PEBP4: variants seen among roughly 807,000 people sequenced by gnomAD.
PEBP4 encodes the protein phosphatidylethanolamine binding protein 4, also known as phosphatidylethanolamine-binding protein 4.
A neutral mutation model predicts 23.9 loss-of-function variants in PEBP4; 22 were observed. The observed-to-expected ratio is 0.92, with a 90% CI of 0.66 to 1.31. The LOEUF is 1.31. Ranked by LOEUF, PEBP4 falls within the 40% of genes most tolerant of loss-of-function variation. PEBP4 has a pLI of 0.00. For synonymous variants in PEBP4, 112 were observed against 99.3 expected, an observed-to-expected ratio of 1.13 and a Z score of -0.76; for missense variants, 324 against 281.7, an observed-to-expected ratio of 1.15 and a Z score of -1.07.
chr8:22,715,512 G>A (rs758034101), intron 6 of PEBP4, among the ~76,000 whole-genome samples: 9 of 152,228 alleles, frequency 5.9e-5, no homozygotes, highest in African/African-American at 1.9e-4. Flanking sequence ...CTTCCCCACC[G>A]TAGGGCAGGA....
At chr8:22,780,054 TC>T (rs1805885072) in intron 4 of PEBP4, among the ~76,000 whole-genome samples, 1 of 151,878 alleles carries the variant, frequency 6.6e-6, no homozygotes, top group African/African-American at 2.4e-5. Flanking sequence ...GCTCAGGTGA[TC>T]CTCCCACCTC....
chr8:22,795,288 G>C (rs1403008932), intron 4 of PEBP4, among the ~76,000 whole-genome samples: 2 of 146,982 alleles, frequency 1.4e-5, no homozygotes, highest in South Asian at 4.3e-4. Context: ...CAATTCTCCT[G>C]CCTCAGCCTC....
Position 22,797,741 on chromosome 8 carries a change from T to C in PEBP4, c.357+19896A>G, listed in dbSNP as rs540994640. ...TTGCTGCTATCCATCGCAGGGGCAA[T>C]GATGCAGTGTATCACGACTGTTCAC... On this transcript the variant is annotated intron_variant, in intron 4 of 6. Coordinates refer to ENST00000256404, the MANE Select transcript of PEBP4 (RefSeq NM_144962.3). 9.9e-5 allele frequency among the ~76,000 whole-genome samples: 15 copies of C among 152,204 alleles called. No homozygotes were observed. In the South Asian group the frequency reaches 2.9e-3, roughly 29 times the overall value.
At chr8:22,724,725 CCA>C (rs1353308402) in intron 6 of PEBP4, 116 bp downstream of exon 6, 1 of 730,994 alleles carries the variant, frequency 1.4e-6, no homozygotes, top group East Asian at 2.7e-5. Context: ...GCCTTCGACC[CCA>C]GTCTCCAAGG....
chr8:22,847,766 G>C (rs981955028), intron 3 of PEBP4, among the ~76,000 whole-genome samples: 11 of 152,092 alleles, frequency 7.2e-5, no homozygotes, highest in African/African-American at 2.7e-4. Context: ...AGGAAGCTGA[G>C]GATGGTCTGA....
chr8:22,860,194 A>ATATATATACACATATG (rs769837558), intron 3 of PEBP4, among the ~76,000 whole-genome samples: 1 of 97,600 alleles, frequency 1.0e-5, no homozygotes, highest in Non-Finnish European at 1.8e-5. Context: ...ATATATATGT[A>ATATATATACACATATG]TATATATATA....
intron 4 of PEBP4, among the ~76,000 whole-genome samples, chr8:22,748,028 T>C (rs1258929093): frequency 1.3e-5 from 2 of 152,208 alleles, no homozygotes. Context: ...CCCTGGCTTA[T>C]GCAATGCTCA....
At chr8:22,925,093 G>C (rs1028836259) in intron 2 of PEBP4, 1 of 985,302 alleles carries the variant, frequency 1.0e-6, no homozygotes, top group Non-Finnish European at 1.2e-6. Context: ...CTCCTCAGGG[G>C]TCCGATCTGT....
At chr8:22,923,427 G>A (rs146347905) in intron 2 of PEBP4, among the ~76,000 whole-genome samples, 90 of 152,248 alleles carry the variant, frequency 5.9e-4, no homozygotes, top group African/African-American at 2.1e-3. Flanking sequence ...AATTAGCCAA[G>A]TGTGGTGGTA....
chr8:22,807,774 G>A (rs1470613779), intron 4 of PEBP4, among the ~76,000 whole-genome samples: 2 of 151,714 alleles, frequency 1.3e-5, no homozygotes, highest in Non-Finnish European at 2.9e-5. Flanking sequence ...CCATATATCT[G>A]TCCACCTACC....
At position 22,913,661 on chromosome 8, in the gene PEBP4, T is replaced by A. The variant is rs893858327; in HGVS notation, c.258+6523A>T. On this transcript the variant is annotated intron_variant, in intron 3 of 6. Transcript: ENST00000256404. ...CAGTCAGTGGCCAGGTCCCATTGGC[T>A]CCAAAGGAGCTGGACACCCTTTGAA... Among the ~76,000 whole-genome samples, 3 of 152,162 alleles carry A rather than the reference T, an allele frequency of 2.0e-5. No homozygotes were observed. The East Asian group carries it at 5.8e-4, about 29-fold the overall frequency.
At chr8:22,857,530 G>C (rs1029895024) in intron 3 of PEBP4, among the ~76,000 whole-genome samples, 2 of 152,214 alleles carry the variant, frequency 1.3e-5, no homozygotes, top group African/African-American at 4.8e-5. Flanking sequence ...ACTGGAATTG[G>C]AAGCTAAGAT....
intron 3 of PEBP4, among the ~76,000 whole-genome samples, chr8:22,829,483 A>G (rs1807037376): frequency 6.6e-6 from 1 of 152,140 alleles, no homozygotes; most frequent in Non-Finnish European, 1.5e-5. Context: ...TTCTCAGGGG[A>G]AATTGAAGGC....
chr8:22,857,840 A>C (rs1343721568), intron 3 of PEBP4, among the ~76,000 whole-genome samples: 1 of 152,200 alleles, frequency 6.6e-6, no homozygotes, highest in Non-Finnish European at 1.5e-5. Context: ...GCCATGGAGA[A>C]GAACAGGGGG....
At chr8:22,824,874 C>T (rs1806935069) in intron 3 of PEBP4, among the ~76,000 whole-genome samples, 2 of 152,138 alleles carry the variant, frequency 1.3e-5, no homozygotes, top group Non-Finnish European at 2.9e-5. Context: ...ACTCACTGGC[C>T]CACCATTTAC....
intron 3 of PEBP4, among the ~76,000 whole-genome samples, chr8:22,914,641 C>T (rs540494002): frequency 4.9e-4 from 74 of 152,276 alleles, no homozygotes; most frequent in Non-Finnish European, 9.3e-4. Flanking sequence ...CGCAGGTAAA[C>T]CTGTCCTCCT....
intron 1 of PEBP4, among the ~76,000 whole-genome samples, chr8:22,938,419 G>T (rs1245015842): frequency 6.6e-6 from 1 of 152,120 alleles, no homozygotes; most frequent in Non-Finnish European, 1.5e-5. Flanking sequence ...ACTTCCTTTA[G>T]GGTACCTTCC....
At chr8:22,769,209 G>A (rs142523928) in intron 4 of PEBP4, among the ~76,000 whole-genome samples, 1 of 152,300 alleles carries the variant, frequency 6.6e-6, no homozygotes, top group African/African-American at 2.4e-5. Flanking sequence ...ACGCTCCCTG[G>A]GCACGCCATT....
At chr8:22,920,129 G>A in intron 3 of PEBP4, 55 bp downstream of exon 3, 6 of 1,579,950 alleles carry the variant, frequency 3.8e-6, no homozygotes, top group South Asian at 3.4e-5. Context: ...CAAGCCTGGA[G>A]GAACATCAAG....
Sources: allele counts gnomAD v4.1 joint callset (sites outside exome capture counted in the v4.1 genomes callset), GRCh38; gene constraint gnomAD v4.1.1; transcripts MANE v1.5; gene names NCBI Gene and HGNC (gene_info 2026-07-23, HGNC 2026-07-21).